The following NRXN3 variants were observed in gnomAD, a reference collection of about 807,000 sequenced individuals.
NRXN3 encodes neurexin 3, also known as neurexin III.
In NRXN3, 32 loss-of-function variants were observed where a neutral mutation model predicts 137.6. That is an observed-to-expected ratio of 0.23 (90% CI 0.18 to 0.31). NRXN3 has a LOEUF of 0.31. Among genes scored for constraint, NRXN3 ranks in the 10% least tolerant of loss-of-function variants. The pLI, the probability that NRXN3 is intolerant of heterozygous loss-of-function variation, is 1.00. For synonymous variants in NRXN3, 798 were observed against 784.5 expected, an observed-to-expected ratio of 1.02 and a Z score of -0.29; for missense variants, 1,574 against 2,062.5, an observed-to-expected ratio of 0.76 and a Z score of 4.59.
intron 16 of NRXN3, among the ~76,000 whole-genome samples, chr14:79,581,765 G>A (rs17109502): frequency 0.13 from 19,194 of 152,074 alleles, 1,363 homozygotes; most frequent in South Asian, 0.22. Flanking sequence ...GATCGTTTAC[G>A]TGGTCGTTTT....
intron 4 of NRXN3, among the ~76,000 whole-genome samples, chr14:78,500,079 G>A (rs975539956): frequency 6.6e-6 from 1 of 152,150 alleles, no homozygotes; most frequent in Non-Finnish European, 1.5e-5. Context: ...GCCATAGCAT[G>A]CCTGACCTGT....
chr14:78,444,835 C>T (rs760177033), intron 4 of NRXN3, among the ~76,000 whole-genome samples: 14 of 145,692 alleles, frequency 9.6e-5, no homozygotes, highest in Non-Finnish European at 1.8e-4. Context: ...AGAAGAACCA[C>T]GTGAACCCGG....
intron 10 of NRXN3, among the ~76,000 whole-genome samples, chr14:78,899,778 G>C (rs1387682955): frequency 6.6e-6 from 1 of 151,834 alleles, no homozygotes; most frequent in East Asian, 1.9e-4. Context: ...TTCTATAAAA[G>C]TACTACTTCT....
rs573004431 is a variant in NRXN3, at chr14:78,656,376, A to T, written c.1221+5050A>T. On this transcript the variant is annotated intron_variant, in intron 6 of 20. Coordinates refer to ENST00000335750, the MANE Select transcript of NRXN3 (RefSeq NM_001330195.2). ...GCCAAGTAGAAGTGAGCATGGAAGC[A>T]TGGGGAAAGAGGTGCTCCAGGATGA... Among the ~76,000 whole-genome samples the T allele has an allele frequency of 1.2e-4, 19 of 152,236 alleles. No individual in the cohort carries two copies. In the South Asian group the frequency reaches 3.9e-3, roughly 32 times the overall value.
chr14:78,916,972 C>T (rs576332941), intron 10 of NRXN3, among the ~76,000 whole-genome samples: 6 of 152,220 alleles, frequency 3.9e-5, no homozygotes, highest in South Asian at 2.1e-4. Flanking sequence ...CTTATAAGGA[C>T]GCCAGTCATA....
At chr14:78,319,596 C>A (rs1191713270) in intron 4 of NRXN3, among the ~76,000 whole-genome samples, 1 of 152,198 alleles carries the variant, frequency 6.6e-6, no homozygotes, top group East Asian at 1.9e-4. Flanking sequence ...TTTATCAGGG[C>A]TTGCCTTACA....
intron 15 of NRXN3, among the ~76,000 whole-genome samples, chr14:79,245,404 G>C (rs2075004457): frequency 6.6e-6 from 1 of 152,026 alleles, no homozygotes; most frequent in Non-Finnish European, 1.5e-5. Flanking sequence ...GAAGGAGAGA[G>C]AGAAGAGAGG....
intron 4 of NRXN3, among the ~76,000 whole-genome samples, chr14:78,632,245 A>G (rs1383134631): frequency 6.6e-6 from 1 of 151,848 alleles, no homozygotes; most frequent in Non-Finnish European, 1.5e-5. Flanking sequence ...ATCCGTATTT[A>G]TATCCCAAAG....
In NRXN3 at chr14:79,259,949, G is replaced by A. The variant is rs150938626; in HGVS notation, c.3263-207272G>A. On this transcript the variant is annotated intron_variant, in intron 15 of 20. Transcript: ENST00000335750. ...TGTCTCCCCCACCTTTCCTTTTACC[G>A]TCCATTGTGTGCAGAATTCAAGAGT... Among the ~76,000 whole-genome samples, 258 of 152,010 alleles carry A rather than the reference G, an allele frequency of 1.7e-3. 2 individuals are homozygous for A. The highest frequency in any genetic ancestry group is 5.8e-3 in the African/African-American group (241 of 41,480).
intron 4 of NRXN3, among the ~76,000 whole-genome samples, chr14:78,324,447 G>A (rs1376674685): frequency 6.6e-6 from 1 of 152,054 alleles, no homozygotes; most frequent in African/African-American, 2.4e-5. Flanking sequence ...AGTGATCTGA[G>A]AGTGTTTTTG....
chr14:78,659,806 G>C (rs2097821107), intron 6 of NRXN3, among the ~76,000 whole-genome samples: 1 of 151,992 alleles, frequency 6.6e-6, no homozygotes, highest in Non-Finnish European at 1.5e-5. Flanking sequence ...TGAATCTTCT[G>C]GAAAAGAGAT....
At chr14:78,294,096 T>C (rs1030138178) in intron 3 of NRXN3, among the ~76,000 whole-genome samples, 36 of 152,248 alleles carry the variant, frequency 2.4e-4, no homozygotes, top group African/African-American at 8.2e-4. Context: ...ACTGGTCTTA[T>C]TGTCTGAATT....
chr14:79,325,727 A>G (rs2090755487), intron 15 of NRXN3, among the ~76,000 whole-genome samples: 1 of 152,156 alleles, frequency 6.6e-6, no homozygotes, highest in Admixed American at 6.5e-5. Flanking sequence ...TGTTCCCCAA[A>G]GGTGTTGCCT....
intron 2 of NRXN3, among the ~76,000 whole-genome samples, chr14:78,267,872 G>A (rs1412858363): frequency 6.6e-6 from 1 of 152,182 alleles, no homozygotes; most frequent in Non-Finnish European, 1.5e-5. Flanking sequence ...TAACAGCAAT[G>A]CAGAGCCGTC....
chr14:78,720,917 G>A (rs1303552322), intron 8 of NRXN3, among the ~76,000 whole-genome samples: 2 of 152,120 alleles, frequency 1.3e-5, no homozygotes, highest in African/African-American at 4.8e-5. Flanking sequence ...CCATAAACAG[G>A]TATTTAGCTC....
intron 15 of NRXN3, among the ~76,000 whole-genome samples, chr14:79,157,660 C>G (rs2060376132): frequency 2.6e-5 from 4 of 151,806 alleles, no homozygotes; most frequent in Admixed American, 2.6e-4. Flanking sequence ...TTTGGAGACT[C>G]TAAAGTTATG....
chr14:79,309,948 T>TTG (rs1284818090), intron 15 of NRXN3, among the ~76,000 whole-genome samples: 1 of 117,318 alleles, frequency 8.5e-6, no homozygotes, highest in Non-Finnish European at 1.7e-5. Flanking sequence ...TAGATCCCAT[T>TTG]TGTCAATTTT....
At chr14:79,009,755 C>T (rs1207138463) in intron 15 of NRXN3, among the ~76,000 whole-genome samples, 1 of 152,216 alleles carries the variant, frequency 6.6e-6, no homozygotes, top group Admixed American at 6.5e-5. Flanking sequence ...GTCTCTGTTG[C>T]CCATTTTCTC....
intron 4 of NRXN3, chr14:78,403,877 A>G (rs2092294931): frequency 1.0e-6 from 1 of 985,216 alleles, no homozygotes; most frequent in South Asian, 4.7e-5. Context: ...CGAGCTTGGC[A>G]GGTAAGTCTT....
Sources: gnomAD v4.1 joint callset for allele counts (sites outside exome capture counted in the v4.1 genomes callset) on GRCh38, gnomAD v4.1.1 for gene constraint, MANE v1.5 for transcripts, NCBI Gene and HGNC (gene_info 2026-07-23, HGNC 2026-07-21) for gene names.